VAV3: variants seen among roughly 807,000 people sequenced by gnomAD.
VAV3 encodes guanine nucleotide exchange factor VAV3.
In VAV3, 94 loss-of-function variants were observed where a neutral mutation model predicts 131.2. The ratio of observed to expected loss-of-function variants is 0.72; its 90% CI spans 0.61 to 0.85. VAV3 has a LOEUF of 0.85. Ranked by LOEUF, VAV3 falls within the 40% of genes least tolerant of loss-of-function variation. VAV3 has a pLI of 0.00. For missense variants in VAV3, 939 were observed against 1,002.7 expected, an observed-to-expected ratio of 0.94 and a Z score of 0.86; for synonymous variants, 349 against 342.0, an observed-to-expected ratio of 1.02 and a Z score of -0.22.
chr1:107,626,687 T>C (rs919788741), intron 20 of VAV3, among the ~76,000 whole-genome samples: 3 of 152,168 alleles, frequency 2.0e-5, no homozygotes, highest in Non-Finnish European at 4.4e-5. Context: ...ATCATTGCCA[T>C]GATAAAATCT....
intron 26 of VAV3, 79 bp from the exon 27 acceptor site, chr1:107,573,451 G>C: frequency 6.4e-7 from 1 of 1,568,484 alleles, no homozygotes; most frequent in Non-Finnish European, 8.7e-7. Context: ...AGAGTATTTT[G>C]TTTTCATAAC....
At chr1:107,958,634 T>C (rs112304960) in intron 1 of VAV3, among the ~76,000 whole-genome samples, 15,426 of 152,228 alleles carry the variant, frequency 0.1, 1,369 homozygotes, top group African/African-American at 0.24. Flanking sequence ...ACTTATTTTT[T>C]TTTATCATTA....
rs1650258980 is a variant in VAV3, at chr1:107,583,729, C to T, written c.2351-9531G>A. Among the ~76,000 whole-genome samples the T allele has an allele frequency of 5.3e-5, 8 of 151,932 alleles. No homozygotes were observed. In the South Asian group the frequency reaches 1.7e-3, roughly 32 times the overall value. ...TGAAGGACCTCTTCAAGGAGAACTA[C>T]AAACCACTGCTCAATGAAATAAAAG... On this transcript the variant is annotated intron_variant, in intron 25 of 26. Transcript: ENST00000370056.
At chr1:107,844,625 C>T (rs1176875699) in intron 2 of VAV3, among the ~76,000 whole-genome samples, 1 of 152,124 alleles carries the variant, frequency 6.6e-6, no homozygotes, top group Non-Finnish European at 1.5e-5. Flanking sequence ...GATGCTCCAG[C>T]TTGGTGGGGG....
At chr1:107,692,103 T>C (rs1259497236) in intron 17 of VAV3, among the ~76,000 whole-genome samples, 2 of 152,084 alleles carry the variant, frequency 1.3e-5, no homozygotes, top group African/African-American at 4.8e-5. Flanking sequence ...TAATTACCAG[T>C]ACAGTTTTTG....
intron 1 of VAV3, among the ~76,000 whole-genome samples, chr1:107,949,907 A>G (rs1177255663): frequency 1.3e-5 from 2 of 152,188 alleles, no homozygotes; most frequent in African/African-American, 2.4e-5. Context: ...CTCTAGACCA[A>G]CTTTTTCTAT....
intron 22 of VAV3, among the ~76,000 whole-genome samples, chr1:107,605,023 C>A (rs978765841): frequency 6.6e-6 from 1 of 152,154 alleles, no homozygotes; most frequent in African/African-American, 2.4e-5. Flanking sequence ...CTTTCTGTAA[C>A]CTCTACAAAG....
chr1:107,643,375 G>C (rs912200925), intron 19 of VAV3, among the ~76,000 whole-genome samples: 2 of 152,162 alleles, frequency 1.3e-5, no homozygotes, highest in Non-Finnish European at 2.9e-5. Context: ...TTGAAATACA[G>C]ATCCATTCCT....
chr1:107,942,544 T>C (rs1674051232), intron 1 of VAV3, among the ~76,000 whole-genome samples: 1 of 152,208 alleles, frequency 6.6e-6, no homozygotes, highest in African/African-American at 2.4e-5. Context: ...TCTTTTCCTT[T>C]TTATATCTGT....
chr1:107,958,289 C>T (rs1674913925), intron 1 of VAV3, among the ~76,000 whole-genome samples: 1 of 152,214 alleles, frequency 6.6e-6, no homozygotes, highest in Non-Finnish European at 1.5e-5. Context: ...CTGTAAGTCA[C>T]ACCACCTTGT....
intron 1 of VAV3, among the ~76,000 whole-genome samples, chr1:107,898,477 C>T (rs1195455910): frequency 6.6e-6 from 1 of 152,170 alleles, no homozygotes; most frequent in Non-Finnish European, 1.5e-5. Context: ...TTCTGCCCTA[C>T]ATACCAAGCC....
intron 1 of VAV3, among the ~76,000 whole-genome samples, chr1:107,954,652 T>C (rs1299633528): frequency 6.6e-6 from 1 of 151,642 alleles, no homozygotes; most frequent in Non-Finnish European, 1.5e-5. Context: ...TCTCCTGTCC[T>C]GAGGCAAAAT....
chr1:107,842,318 A>ACTCTG (rs1276600067), intron 2 of VAV3, among the ~76,000 whole-genome samples: 1 of 152,154 alleles, frequency 6.6e-6, no homozygotes, highest in African/African-American at 2.4e-5. Flanking sequence ...AATAAAAAGC[A>ACTCTG]CTCTGCACTG....
chr1:107,760,963 C>A, intron 9 of VAV3, 84 bp from the exon 10 acceptor site: 1 of 815,680 alleles, frequency 1.2e-6, no homozygotes, highest in Non-Finnish European at 1.9e-6. Flanking sequence ...AGTTATTATA[C>A]AATAAATGAG....
intron 19 of VAV3, among the ~76,000 whole-genome samples, chr1:107,650,435 C>T (rs1258902808): frequency 6.6e-6 from 1 of 151,840 alleles, no homozygotes; most frequent in African/African-American, 2.4e-5. Context: ...ACTAATAAAC[C>T]CATTGCTATA....
intron 19 of VAV3, among the ~76,000 whole-genome samples, chr1:107,674,171 C>T (rs776982451): frequency 6.6e-6 from 1 of 152,208 alleles, no homozygotes; most frequent in Non-Finnish European, 1.5e-5. Flanking sequence ...AAAAATTCAA[C>T]TGCATTCAAG....
chr1:107,933,274 G>T (rs1428554253), intron 1 of VAV3, among the ~76,000 whole-genome samples: 1 of 149,252 alleles, frequency 6.7e-6, no homozygotes, highest in African/African-American at 2.5e-5. Context: ...TGGTGTGGTG[G>T]TTTTTTTGTG....
intron 20 of VAV3, among the ~76,000 whole-genome samples, chr1:107,626,255 T>C (rs1654007013): frequency 6.6e-6 from 1 of 152,192 alleles, no homozygotes; most frequent in Non-Finnish European, 1.5e-5. Flanking sequence ...AAATTCAGTT[T>C]ATGATCTATT....
At chr1:107,905,356 C>G (rs568052853) in intron 1 of VAV3, among the ~76,000 whole-genome samples, 1 of 152,118 alleles carries the variant, frequency 6.6e-6, no homozygotes, top group Non-Finnish European at 1.5e-5. Context: ...CTGGTATATG[C>G]GACCATATAT....
Sources: gnomAD v4.1 joint callset for allele counts (sites outside exome capture counted in the v4.1 genomes callset) on GRCh38, gnomAD v4.1.1 for gene constraint, MANE v1.5 for transcripts, NCBI Gene and HGNC (gene_info 2026-07-23, HGNC 2026-07-21) for gene names.